PCDH15: variants seen among roughly 807,000 people sequenced by gnomAD.
The protein encoded by PCDH15 is protocadherin-15.
PCDH15 carries 129 observed loss-of-function variants against 178.5 expected under a neutral mutation model. The ratio of observed to expected loss-of-function variants is 0.72; its 90% confidence interval spans 0.63 to 0.84. The LOEUF is 0.84. Ranked by LOEUF, PCDH15 falls within the 40% of genes least tolerant of loss-of-function variation. PCDH15 has a pLI of 0.00. For missense variants in PCDH15, 2,230 were observed against 2,099.9 expected, an observed-to-expected ratio of 1.06 and a Z score of -1.21; for synonymous variants, 800 against 732.0, an observed-to-expected ratio of 1.09 and a Z score of -1.50.
intron 20 of PCDH15, among the ~76,000 whole-genome samples, chr10:54,008,007 T>C (rs1415915780): frequency 3.3e-5 from 5 of 152,152 alleles, no homozygotes; most frequent in African/African-American, 9.7e-5. Context: ...AAAAAAAGGA[T>C]AATAATATTT....
rs547036405 is a variant in PCDH15, at chr10:54,890,816, A to C, written c.-29+6634T>G. 2.6e-5 allele frequency among the ~76,000 whole-genome samples: 4 copies of C among 152,184 alleles called. No individual in the cohort carries two copies. The South Asian group carries it at 8.3e-4, about 32-fold the overall frequency. ...TAATTTTCTTGACTTTGGTACTTGCAACCATCTACATAAAATATATTGCAA... is the reference window on the plus strand; with the variant it reads ...TAATTTTCTTGACTTTGGTACTTGCCACCATCTACATAAAATATATTGCAA... On this transcript the variant is annotated intron_variant, in intron 3 of 5. Transcript: ENST00000458638.
chr10:54,970,671 C>A (rs183508908), intron 2 of PCDH15, among the ~76,000 whole-genome samples: 1 of 152,100 alleles, frequency 6.6e-6, no homozygotes, highest in East Asian at 1.9e-4. Context: ...ATAATAAAAT[C>A]TCTTGCCATC....
At chr10:55,208,701 C>G (rs1175582654) in intron 1 of PCDH15, among the ~76,000 whole-genome samples, 1 of 151,994 alleles carries the variant, frequency 6.6e-6, no homozygotes, top group East Asian at 1.9e-4. Flanking sequence ...ATATTTGCTC[C>G]TATTCAAATT....
chr10:54,637,207 A>G (rs2093876745), intron 2 of PCDH15, among the ~76,000 whole-genome samples: 1 of 151,518 alleles, frequency 6.6e-6, no homozygotes, highest in African/African-American at 2.4e-5. Flanking sequence ...ATCTTCTTGG[A>G]ACACTATTTT....
intron 5 of PCDH15, among the ~76,000 whole-genome samples, chr10:54,359,190 A>G (rs1945569707): frequency 6.6e-6 from 1 of 152,076 alleles, no homozygotes; most frequent in African/African-American, 2.4e-5. Context: ...CAGGGAATTA[A>G]AAATGAATAA....
At chr10:54,392,561 T>A (rs1245835635) in intron 3 of PCDH15, among the ~76,000 whole-genome samples, 1 of 151,290 alleles carries the variant, frequency 6.6e-6, no homozygotes, top group East Asian at 1.9e-4. Flanking sequence ...TTAGATCATA[T>A]TGATAGTATT....
intron 3 of PCDH15, among the ~76,000 whole-genome samples, chr10:54,396,382 A>T (rs1278980963): frequency 6.6e-6 from 1 of 152,168 alleles, no homozygotes; most frequent in Non-Finnish European, 1.5e-5. Context: ...GCTGTCTTCC[A>T]TGTATATATG....
chr10:54,327,235 C>T (rs1938327593), intron 7 of PCDH15, among the ~76,000 whole-genome samples: 1 of 151,842 alleles, frequency 6.6e-6, no homozygotes, highest in African/African-American at 2.4e-5. Flanking sequence ...AATCTGACTT[C>T]ATAAAAAAGA....
intron 2 of PCDH15, among the ~76,000 whole-genome samples, chr10:55,027,923 T>C (rs1051316327): frequency 2.3e-4 from 35 of 151,828 alleles, no homozygotes; most frequent in African/African-American, 8.2e-4. Context: ...GTGTTAAGTA[T>C]TGGGGAGGAA....
chr10:54,163,556 G>A (rs1049322901), intron 13 of PCDH15, among the ~76,000 whole-genome samples: 2 of 151,986 alleles, frequency 1.3e-5, no homozygotes, highest in East Asian at 1.9e-4. Flanking sequence ...CAATACTAAG[G>A]TTCACAACTC....
intron 27 of PCDH15, among the ~76,000 whole-genome samples, chr10:53,862,376 C>T (rs901163857): frequency 2.0e-5 from 3 of 151,932 alleles, no homozygotes; most frequent in African/African-American, 2.4e-5. Context: ...ATTTTTTACA[C>T]GTGCATAATT....
chr10:53,867,073 T>A (rs563065755), intron 26 of PCDH15, among the ~76,000 whole-genome samples: 19 of 152,220 alleles, frequency 1.2e-4, no homozygotes, highest in African/African-American at 4.6e-4. Flanking sequence ...TAATAACTGC[T>A]GAAGTATGAA....
intron 2 of PCDH15, among the ~76,000 whole-genome samples, chr10:55,325,552 G>A (rs929368154): frequency 6.6e-6 from 1 of 151,886 alleles, no homozygotes; most frequent in African/African-American, 2.4e-5. Context: ...TACTTACACC[G>A]TATACAAAAA....
At chr10:54,201,080 T>C (rs1276587957) in intron 10 of PCDH15, among the ~76,000 whole-genome samples, 2 of 152,170 alleles carry the variant, frequency 1.3e-5, no homozygotes, top group African/African-American at 4.8e-5. Flanking sequence ...ACTTCTTTAA[T>C]GGCAGCTACA....
chr10:54,988,586 C>T (rs1320012705), intron 2 of PCDH15, among the ~76,000 whole-genome samples: 1 of 152,128 alleles, frequency 6.6e-6, no homozygotes, highest in Non-Finnish European at 1.5e-5. Context: ...AGCAAAGAGA[C>T]TGGCAGCATT....
intron 2 of PCDH15, among the ~76,000 whole-genome samples, chr10:55,127,641 G>T (rs1197621010): frequency 6.6e-6 from 1 of 152,064 alleles, no homozygotes; most frequent in East Asian, 1.9e-4. Context: ...AAAGATAGCT[G>T]CTGAATTTAC....
chr10:53,820,279 A>AAGAAAGTAATTACTCTTGATTT, intron 32 of PCDH15, 49 bp from the exon 33 acceptor site: 1 of 397,132 alleles, frequency 2.5e-6, no homozygotes, highest in Non-Finnish European at 4.4e-6. Flanking sequence ...CAAGAACCCC[A>AAGAAAGTAATTACTCTTGATTT]AGAAAGTAAT....
At chr10:55,486,428 A>G (rs2132123527) in intron 2 of PCDH15, among the ~76,000 whole-genome samples, 1 of 151,482 alleles carries the variant, frequency 6.6e-6, no homozygotes, top group Admixed American at 6.6e-5. Context: ...GCTTCAAACC[A>G]TAGCCATAGA....
intron 1 of PCDH15, among the ~76,000 whole-genome samples, chr10:55,177,687 T>C (rs1407763979): frequency 6.6e-6 from 1 of 152,142 alleles, no homozygotes; most frequent in Non-Finnish European, 1.5e-5. Flanking sequence ...AGCTCTGCTA[T>C]TGGAGGGATC....
Sources: gnomAD v4.1 joint callset for allele counts (sites outside exome capture counted in the v4.1 genomes callset) on GRCh38, gnomAD v4.1.1 for gene constraint, MANE v1.5 for transcripts, NCBI Gene and HGNC (gene_info 2026-07-23, HGNC 2026-07-21) for gene names.